The following CTNNA3 variants were observed in gnomAD, a reference collection of about 807,000 sequenced individuals.
CTNNA3 encodes catenin alpha 3, also known as catenin alpha-3.
CTNNA3 carries 76 observed loss-of-function variants against 95.7 expected under a neutral mutation model. That is an observed-to-expected ratio of 0.79 (90% CI 0.66 to 0.96). The LOEUF is 0.96. Ranked by LOEUF, CTNNA3 falls within the 40% of genes least tolerant of loss-of-function variation. The probability of loss-of-function intolerance (pLI) is 0.00; values close to 1 mark genes in which losing one functional copy is unlikely to be tolerated. For synonymous variants in CTNNA3, 431 were observed against 374.4 expected (o/e 1.15, Z -1.74); for missense variants, 1,191 against 1,089.8 (o/e 1.09, Z -1.31).
chr10:67,108,343 A>C (rs1427939103), intron 7 of CTNNA3, among the ~76,000 whole-genome samples: 1 of 152,166 alleles, frequency 6.6e-6, no homozygotes, highest in Non-Finnish European at 1.5e-5. Flanking sequence ...AATTCTGGAC[A>C]ATTAAGTTAC....
chr10:66,941,026 A>T (rs1489144333), intron 7 of CTNNA3, among the ~76,000 whole-genome samples: 2 of 152,246 alleles, frequency 1.3e-5, no homozygotes, highest in Non-Finnish European at 2.9e-5. Flanking sequence ...TTAATAAAAA[A>T]AAGAAAGCCC....
At chr10:67,266,610 T>G (rs1356708403) in intron 5 of CTNNA3, among the ~76,000 whole-genome samples, 3 of 152,198 alleles carry the variant, frequency 2.0e-5, no homozygotes, top group African/African-American at 7.2e-5. Flanking sequence ...CATCTGTAGC[T>G]GACCCACAGT....
chr10:67,096,209 AT>A (rs1000690165), intron 7 of CTNNA3, among the ~76,000 whole-genome samples: 5 of 151,628 alleles, frequency 3.3e-5, no homozygotes, highest in African/African-American at 1.2e-4. Flanking sequence ...TTTATTTTTT[AT>A]TTTTTTGATT....
At chr10:66,346,530 G>C (rs1188546756) in intron 12 of CTNNA3, among the ~76,000 whole-genome samples, 1 of 151,906 alleles carries the variant, frequency 6.6e-6, no homozygotes, top group East Asian at 1.9e-4. Context: ...GCCTGCCTCG[G>C]CCTCCCAAAG....
intron 17 of CTNNA3, 86 bp from the exon 18 acceptor site, chr10:65,920,703 G>T (rs546521441): frequency 2.8e-6 from 4 of 1,412,240 alleles, no homozygotes; most frequent in African/African-American, 1.4e-5. Flanking sequence ...GCATGTGCCC[G>T]TTGCCCCAGC....
At chr10:67,416,789 A>G (rs1207475079) in intron 5 of CTNNA3, among the ~76,000 whole-genome samples, 1 of 152,014 alleles carries the variant, frequency 6.6e-6, no homozygotes, top group African/African-American at 2.4e-5. Context: ...TTAAAGAGCC[A>G]AAAAAACAAC....
At chr10:67,594,485 C>G (rs1330730643) in intron 3 of CTNNA3, among the ~76,000 whole-genome samples, 2 of 151,884 alleles carry the variant, frequency 1.3e-5, no homozygotes, top group Admixed American at 6.6e-5. Flanking sequence ...TTCTTGGGAG[C>G]TTGTATGTTT....
At chr10:66,129,622 C>T (rs1159037577) in intron 13 of CTNNA3, among the ~76,000 whole-genome samples, 4 of 152,156 alleles carry the variant, frequency 2.6e-5, no homozygotes, top group Non-Finnish European at 4.4e-5. Context: ...AGTCTACTGG[C>T]CTCTTCTGGG....
intron 5 of CTNNA3, among the ~76,000 whole-genome samples, chr10:67,310,857 G>A (rs1210217025): frequency 4.6e-5 from 7 of 152,176 alleles, no homozygotes; most frequent in Non-Finnish European, 7.3e-5. Flanking sequence ...AATTCAAGAT[G>A]AGACTTGTGT....
chr10:66,926,798 T>C (rs979181156), intron 7 of CTNNA3: 2 of 978,138 alleles, frequency 2.0e-6, no homozygotes, highest in East Asian at 2.6e-5. Context: ...AGAGATAATA[T>C]GTGATGTTAA....
At chr10:67,084,388 T>C (rs1000428392) in intron 7 of CTNNA3, among the ~76,000 whole-genome samples, 2 of 151,986 alleles carry the variant, frequency 1.3e-5, no homozygotes, top group Non-Finnish European at 2.9e-5. Context: ...TATTATCTAA[T>C]TGACTATCAC....
chr10:66,791,335 T>C (rs1589258338), intron 7 of CTNNA3, among the ~76,000 whole-genome samples: 1 of 152,208 alleles, frequency 6.6e-6, no homozygotes, highest in African/African-American at 2.4e-5. Flanking sequence ...CTTTACTCTT[T>C]GTGTTCCAAC....
intron 5 of CTNNA3, among the ~76,000 whole-genome samples, chr10:67,396,696 A>G (rs950519185): frequency 6.6e-6 from 1 of 152,216 alleles, no homozygotes; most frequent in Non-Finnish European, 1.5e-5. Context: ...ATTATTTGAT[A>G]TGGTTTGGCT....
At chr10:66,262,493 T>G (rs745513372) in intron 13 of CTNNA3, among the ~76,000 whole-genome samples, 50 of 151,992 alleles carry the variant, frequency 3.3e-4, no homozygotes, top group Admixed American at 5.3e-4. Flanking sequence ...TAACTTTTAT[T>G]TGGGGTTTTA....
intron 5 of CTNNA3, among the ~76,000 whole-genome samples, chr10:67,260,658 T>C (rs1352807547): frequency 6.6e-6 from 1 of 150,896 alleles, no homozygotes; most frequent in East Asian, 1.9e-4. Context: ...GCTACGTGAC[T>C]TTCACTGTTT....
At chr10:66,783,619 A>G (rs1243382063) in intron 7 of CTNNA3, among the ~76,000 whole-genome samples, 2 of 145,634 alleles carry the variant, frequency 1.4e-5, no homozygotes, top group African/African-American at 4.9e-5. Flanking sequence ...GCTGTCGATT[A>G]CACTGTGAGC....
intron 11 of CTNNA3, among the ~76,000 whole-genome samples, chr10:66,403,940 G>C (rs971402154): frequency 2.0e-5 from 3 of 152,092 alleles, no homozygotes; most frequent in Non-Finnish European, 4.4e-5. Context: ...GACTGAAACT[G>C]TCTTTGTAAG....
At chr10:66,151,547 ACT>A (rs1384549582) in intron 13 of CTNNA3, among the ~76,000 whole-genome samples, 1 of 151,880 alleles carries the variant, frequency 6.6e-6, no homozygotes, top group East Asian at 1.9e-4. Flanking sequence ...GTCACACGTG[ACT>A]CATTTAGCAA....
intron 13 of CTNNA3, among the ~76,000 whole-genome samples, chr10:66,220,478 C>T (rs1030131189): frequency 3.9e-5 from 6 of 152,076 alleles, no homozygotes; most frequent in East Asian, 3.9e-4. Context: ...AGGGTACCTG[C>T]GACCCCTGGA....
Sources: gnomAD v4.1 joint callset for allele counts (sites outside exome capture counted in the v4.1 genomes callset) on GRCh38, gnomAD v4.1.1 for gene constraint, MANE v1.5 for transcripts, NCBI Gene and HGNC (gene_info 2026-07-23, HGNC 2026-07-21) for gene names.